Variants in NUGGC observed in about 807,000 individuals in gnomAD.
NUGGC encodes nuclear GTPase, germinal center associated, also known as nuclear GTPase SLIP-GC.
In NUGGC, 58 loss-of-function variants were observed where a neutral mutation model predicts 92.6. The observed-to-expected ratio is 0.63, with a 90% CI of 0.51 to 0.78. NUGGC has a LOEUF of 0.78. Ranked by LOEUF, NUGGC falls within the 30% of genes least tolerant of loss-of-function variation. NUGGC has a pLI of 0.00. For missense variants in NUGGC, 925 were observed against 964.6 expected, an observed-to-expected ratio of 0.96 and a Z score of 0.54; for synonymous variants, 376 against 366.4, an observed-to-expected ratio of 1.03 and a Z score of -0.30.
At chr8:28,079,825 G>A (rs1563235074) in intron 1 of NUGGC, among the ~76,000 whole-genome samples, 1 of 152,260 alleles carries the variant, frequency 6.6e-6, no homozygotes, top group Non-Finnish European at 1.5e-5. Context: ...GAAGGCTGTT[G>A]AGTGGGGAGA....
chr8:28,070,188 G>T, intron 3 of NUGGC, 64 bp downstream of exon 3: 3 of 1,491,832 alleles, frequency 2.0e-6, no homozygotes, highest in South Asian at 1.3e-5. Flanking sequence ...CTCTTCCTTT[G>T]ACCATTTTAA....
At chr8:28,031,092 T>C in intron 15 of NUGGC, 151 bp downstream of exon 15, 1 of 845,214 alleles carries the variant, frequency 1.2e-6, no homozygotes, top group Non-Finnish European at 1.9e-6. Flanking sequence ...CACATCCCAC[T>C]GGGTTCTGTA....
At chr8:28,044,753 T>A (rs993523775) in intron 12 of NUGGC, among the ~76,000 whole-genome samples, 2 of 152,182 alleles carry the variant, frequency 1.3e-5, no homozygotes, top group African/African-American at 4.8e-5. Flanking sequence ...AAGAGGTTGG[T>A]TTCTGGGCAG....
rs1306684569 is a variant in NUGGC at position 28,047,622 on chromosome 8, G to C, written c.1207-10C>G. ...CAGCTGGCAGTTTTCTCTGAAGTGA[G>C]AGAGTCACACAGAAAACAGAATAAC... On this transcript the variant is annotated splice_polypyrimidine_tract_variant and intron_variant, in intron 10 of 18. Transcript: ENST00000413272. The C allele has an allele frequency of 2.7e-6, 4 of 1,508,234 alleles. No homozygotes were observed. The highest frequency in any genetic ancestry group is 3.6e-6 in the Non-Finnish European group (4 of 1,107,092). 93.4% of individuals were successfully genotyped at this position (1,508,234 alleles called of 1,614,324 possible). A position where few individuals can be genotyped will look rare whatever the true frequency, so the allele number is the denominator to read the frequency against.
At chr8:28,049,781 G>C (rs778367747) in intron 10 of NUGGC, among the ~76,000 whole-genome samples, 1 of 152,174 alleles carries the variant, frequency 6.6e-6, no homozygotes, top group Non-Finnish European at 1.5e-5. Context: ...AGGAGAAAAC[G>C]TGGAAGCTCA....
At chr8:28,024,698 C>T (rs1335791430) in intron 18 of NUGGC, among the ~76,000 whole-genome samples, 1 of 152,140 alleles carries the variant, frequency 6.6e-6, no homozygotes, top group Non-Finnish European at 1.5e-5. Context: ...AGGGATGGGA[C>T]TCATGAGCAG....
Position 28,070,366 on chromosome 8 carries a change from A to G in NUGGC, c.44-10T>C, listed in dbSNP as rs1248391106. The G allele has an allele frequency of 1.5e-6, 2 of 1,335,684 alleles. No individual in the cohort carries two copies. The highest frequency in any genetic ancestry group is 1.1e-6 in the Non-Finnish European group (1 of 951,428). 82.7% of individuals were successfully genotyped at this position (1,335,684 alleles called of 1,614,324 possible). On this transcript the variant is annotated splice_polypyrimidine_tract_variant and intron_variant, in intron 2 of 18. Coordinates refer to ENST00000413272, the MANE Select transcript of NUGGC (RefSeq NM_001010906.2). ...TATAAATCATCTTCAACTAGAGATA[A>G]ACAGAGGATATATAAGATTATAGGT...
intron 2 of NUGGC, among the ~76,000 whole-genome samples, chr8:28,072,716 C>G (rs1810618953): frequency 6.6e-6 from 1 of 152,184 alleles, no homozygotes; most frequent in Admixed American, 6.5e-5. Context: ...AGAAAGTATT[C>G]CATCTTGGAT....
chr8:28,041,063 T>A lies in NUGGC; in HGVS notation c.1599A>T (p.Arg533Ser). 6.2e-7 allele frequency: 1 copy of A among 1,603,580 alleles called. No homozygotes were observed. The highest frequency in any genetic ancestry group is 1.1e-5 in the South Asian group (1 of 88,816). Residue 533 changes from arginine to serine, a missense_variant, in exon 13 of 19, where the codon AGA becomes AGT. Transcript: ENST00000413272. ...AAGGGTCACTCACCACCAAGCATGC[T>A]CTGAGGATGCAGCGGTAAGAAGTCC... ...TARTSYRCIL[R>S]ACLVRSKGNQ...
chr8:28,060,721 C>T (rs562069163), intron 7 of NUGGC, 120 bp from the exon 8 acceptor site: 5 of 786,922 alleles, frequency 6.4e-6, no homozygotes, highest in South Asian at 3.8e-5. Context: ...CGCTCCCCAC[C>T]GCACTCTGTG....
Position 28,029,372 on chromosome 8 carries a change from C to T in NUGGC, c.2048G>A (p.Cys683Tyr). Reference sequence around the variant, plus strand: ...TCTGATGGCATCTTTCATCCGCTCACACGCTTTTTTGCCCGTGATCTGAGC... The same window carrying T: ...TCTGATGGCATCTTTCATCCGCTCATACGCTTTTTTGCCCGTGATCTGAGC... The part of the protein sequence containing the change: ...EAAQITGKKA[C>Y]ERMKDAIRRG... The change falls in exon 17 of 19, where the codon TGT (cysteine) becomes TAT (tyrosine). Residue 683 changes from cysteine (C) to tyrosine (Y), a missense_variant. Transcript: ENST00000413272. 6.2e-7 allele frequency: 1 copy of T among 1,612,714 alleles called. No individual in the cohort carries two copies. The highest frequency in any genetic ancestry group is 8.5e-7 in the Non-Finnish European group (1 of 1,179,348).
chr8:28,035,784 A>G (rs565117027), intron 13 of NUGGC, among the ~76,000 whole-genome samples: 78 of 152,332 alleles, frequency 5.1e-4, no homozygotes, highest in East Asian at 1.9e-3. Context: ...ACAGTCACCA[A>G]TGAAACCCTC....
intron 10 of NUGGC, among the ~76,000 whole-genome samples, chr8:28,051,669 T>C (rs1006287701): frequency 3.3e-5 from 5 of 152,234 alleles, no homozygotes; most frequent in African/African-American, 1.2e-4. Flanking sequence ...CTCATGCCTG[T>C]AATCCCAGCA....
rs1447915989 is a variant in NUGGC, at chr8:28,056,008, A to G, written c.1163T>C (p.Met388Thr). 1.3e-6 allele frequency: 2 copies of G among 1,565,784 alleles called. No homozygotes were observed. Among genetic ancestry groups the G allele is most frequent in the Non-Finnish European group, 1.7e-6 (2 of 1,152,350 alleles). Residue 388 changes from methionine to threonine, a missense_variant, in exon 10 of 19, where the codon ATG becomes ACG. By Grantham distance (81) the Met-to-Thr change is moderately conservative (BLOSUM62 -1). Transcript: ENST00000413272. ...AATTCTAGTCCTTTGTAGTTTTATC[A>G]TTTCATTTCTTTCTAAAACAGCCTC... ...QREAVLERNEMIKLQRTRILK... is the reference protein window; with the variant it reads ...QREAVLERNETIKLQRTRILK...
chr8:28,059,065 G>T (rs1810225031), intron 8 of NUGGC, among the ~76,000 whole-genome samples: 4 of 152,118 alleles, frequency 2.6e-5, no homozygotes. Context: ...CTCTGCTGGG[G>T]TGAGATGGGG....
rs1447064678 is a variant in NUGGC at position 28,058,322 on chromosome 8, T to C, written c.1098-46A>G. 1.6e-5 allele frequency: 6 copies of C among 373,418 alleles called. No homozygotes were observed. The East Asian group carries it at 4.0e-4, about 25-fold the overall frequency. The allele number at this position is 373,418 out of a possible 1,614,324, so 23.1% of individuals were successfully genotyped here. A position where few individuals can be genotyped will look rare whatever the true frequency, so the allele number is the denominator to read the frequency against. ...TGTAACAATTACTTAATTTTTACTA[T>C]GTGTCACTGCAGTCTTTCGACTTTC... On this transcript the variant is annotated intron_variant, in intron 8 of 18. Transcript: ENST00000413272.
rs189294683 is a variant in NUGGC, at chr8:28,058,237, A to G, written c.1116+21T>C. 12 of 452,204 alleles carry G rather than the reference A, an allele frequency of 2.7e-5. No individual in the cohort carries two copies. The Admixed American group carries it at 5.8e-4, about 22-fold the overall frequency. 28.0% of individuals were successfully genotyped at this position (452,204 alleles called of 1,614,324 possible). A position where few individuals can be genotyped will look rare whatever the true frequency, so the allele number is the denominator to read the frequency against. On this transcript the variant is annotated intron_variant, in intron 9 of 18. Transcript: ENST00000413272. ...GATAATAATTTAAAAATAAAAATAAAAAAAACTAGTTCATACTTACATTTC... is the reference window on the plus strand; with the variant it reads ...GATAATAATTTAAAAATAAAAATAAGAAAAACTAGTTCATACTTACATTTC...
intron 12 of NUGGC, among the ~76,000 whole-genome samples, chr8:28,044,047 T>C (rs771039209): frequency 1.3e-5 from 2 of 152,150 alleles, no homozygotes; most frequent in Non-Finnish European, 2.9e-5. Flanking sequence ...TAAAGACTTT[T>C]TACAAGCATT....
At chr8:28,060,300 C>T (rs1400485654) in intron 8 of NUGGC, 126 bp downstream of exon 8, 1 of 960,628 alleles carries the variant, frequency 1.0e-6, no homozygotes, top group Non-Finnish European at 1.6e-6. Context: ...TTTCTTTCCT[C>T]CCCAACAATC....
Sources: allele counts gnomAD v4.1 joint callset (sites outside exome capture counted in the v4.1 genomes callset), GRCh38; gene constraint gnomAD v4.1.1; transcripts MANE v1.5; gene names NCBI Gene and HGNC (gene_info 2026-07-23, HGNC 2026-07-21).